Variants in KCNN2 observed in about 807,000 individuals in gnomAD.
KCNN2 encodes the protein small conductance calcium-activated potassium channel protein 2.
In KCNN2, 24 loss-of-function variants were observed where a neutral mutation model predicts 55.5. The observed-to-expected ratio is 0.43, with a 90% CI of 0.31 to 0.61. The LOEUF is 0.61. Among genes scored for constraint, KCNN2 ranks in the 20% least tolerant of loss-of-function variants. The pLI is 0.08. For missense variants in KCNN2, 754 were observed against 853.6 expected (o/e 0.88, Z 1.45); for synonymous variants, 431 against 336.1 (o/e 1.28, Z -3.09).
chr5:114,105,787 T>G (rs983459764), intron 1 of KCNN2, among the ~76,000 whole-genome samples: 1 of 152,046 alleles, frequency 6.6e-6, no homozygotes, highest in Admixed American at 6.6e-5. Context: ...CTGTGGTAAG[T>G]CCTCAGTCTT....
At chr5:114,318,158 T>A (rs997340320) in intron 2 of KCNN2, among the ~76,000 whole-genome samples, 1 of 152,236 alleles carries the variant, frequency 6.6e-6, no homozygotes, top group African/African-American at 2.4e-5. Flanking sequence ...ATATTTCTAC[T>A]TTCTGGAGAT....
intron 1 of KCNN2, among the ~76,000 whole-genome samples, chr5:114,144,650 A>C (rs910933990): frequency 2.6e-5 from 4 of 152,088 alleles, no homozygotes; most frequent in African/African-American, 9.7e-5. Context: ...ACAAGTATAC[A>C]AGTAACAATT....
intron 3 of KCNN2, among the ~76,000 whole-genome samples, chr5:114,459,264 C>T (rs971387493): frequency 6.6e-6 from 1 of 152,170 alleles, no homozygotes; most frequent in Non-Finnish European, 1.5e-5. Context: ...GCATTCCTTG[C>T]ACTAATTTTA....
rs146445569 is a variant in KCNN2, at chr5:114,281,196, G to T, written c.-185+59631G>T. Among the ~76,000 whole-genome samples the T allele has an allele frequency of 6.4e-4, 98 of 152,204 alleles. 2 individuals are homozygous for T. The highest frequency in any genetic ancestry group is 2.0e-3 in the African/African-American group (85 of 41,550). Reference sequence around the variant, plus strand: ...TATTGTATAATGCATTTATTTGTTTGCTGTGTGTTTCTGCCATTAAAATGT... The same window carrying T: ...TATTGTATAATGCATTTATTTGTTTTCTGTGTGTTTCTGCCATTAAAATGT... On this transcript the variant is annotated intron_variant, in intron 2 of 10. Transcript: ENST00000512097.
intron 2 of KCNN2, among the ~76,000 whole-genome samples, chr5:114,344,523 T>C (rs1757074417): frequency 6.6e-6 from 1 of 152,180 alleles, no homozygotes; most frequent in African/African-American, 2.4e-5. Flanking sequence ...TATTGGGGCA[T>C]CATTACATAG....
chr5:114,367,809 T>C (rs906997721), intron 2 of KCNN2, among the ~76,000 whole-genome samples: 4 of 152,298 alleles, frequency 2.6e-5, no homozygotes, highest in South Asian at 4.1e-4. Context: ...CTATTATTTT[T>C]CTTATAGAGG....
chr5:114,416,749 T>C (rs1759318408), intron 3 of KCNN2, among the ~76,000 whole-genome samples: 1 of 152,234 alleles, frequency 6.6e-6, no homozygotes, highest in Admixed American at 6.5e-5. Context: ...ACAGAAGATA[T>C]AATTTAAAAA....
At chr5:114,210,433 T>A (rs1036115573) in intron 1 of KCNN2, among the ~76,000 whole-genome samples, 1 of 152,108 alleles carries the variant, frequency 6.6e-6, no homozygotes, top group African/African-American at 2.4e-5. Flanking sequence ...AGTCACAAAT[T>A]CAGTATTCAT....
At chr5:114,475,377 T>G (rs1230814576) in intron 5 of KCNN2, among the ~76,000 whole-genome samples, 1 of 151,864 alleles carries the variant, frequency 6.6e-6, no homozygotes, top group African/African-American at 2.4e-5. Context: ...ACCCCCAACT[T>G]GTGACAACCA....
At chr5:114,155,304 T>A (rs1480687287) in intron 1 of KCNN2, among the ~76,000 whole-genome samples, 3 of 152,228 alleles carry the variant, frequency 2.0e-5, no homozygotes, top group Non-Finnish European at 4.4e-5. Flanking sequence ...GGCATTTAGG[T>A]TGATTCTGTG....
intron 1 of KCNN2, among the ~76,000 whole-genome samples, chr5:114,143,014 G>C (rs574418879): frequency 6.6e-6 from 1 of 152,204 alleles, no homozygotes; most frequent in Non-Finnish European, 1.5e-5. Flanking sequence ...TTTCCCAGGT[G>C]GATTGACAGG....
intron 2 of KCNN2, among the ~76,000 whole-genome samples, chr5:114,306,964 A>G (rs1319684788): frequency 6.6e-6 from 1 of 151,906 alleles, no homozygotes; most frequent in Non-Finnish European, 1.5e-5. Flanking sequence ...TTGGCCTCCC[A>G]AAGTGCTGGG....
At chr5:114,148,225 G>A (rs932735074) in intron 1 of KCNN2, among the ~76,000 whole-genome samples, 1 of 152,048 alleles carries the variant, frequency 6.6e-6, no homozygotes, top group African/African-American at 2.4e-5. Flanking sequence ...ATAATTAAAG[G>A]CCATTTCTTA....
chr5:114,451,787 C>T (rs1760697519), intron 3 of KCNN2, among the ~76,000 whole-genome samples: 1 of 151,658 alleles, frequency 6.6e-6, no homozygotes, highest in African/African-American at 2.4e-5. Flanking sequence ...GTCTCAGCTA[C>T]TTGGGAGGCT....
At chr5:114,092,804 A>G (rs982381743) in intron 1 of KCNN2, among the ~76,000 whole-genome samples, 1 of 152,106 alleles carries the variant, frequency 6.6e-6, no homozygotes, top group Admixed American at 6.6e-5. Flanking sequence ...CCCTTTAGCC[A>G]TGGCTGGGTT....
chr5:114,063,619 G>T (rs1750378155), intron 1 of KCNN2, among the ~76,000 whole-genome samples: 1 of 152,158 alleles, frequency 6.6e-6, no homozygotes. Context: ...CTCAGGTGAG[G>T]ATAATGGAAC....
intron 2 of KCNN2, among the ~76,000 whole-genome samples, chr5:114,333,811 A>G (rs1179176807): frequency 6.6e-6 from 1 of 152,228 alleles, no homozygotes; most frequent in Non-Finnish European, 1.5e-5. Flanking sequence ...TTAATAGACA[A>G]AAGTTCCCCT....
intron 3 of KCNN2, among the ~76,000 whole-genome samples, chr5:114,445,679 T>G (rs951391239): frequency 4.6e-5 from 7 of 152,258 alleles, no homozygotes; most frequent in African/African-American, 1.7e-4. Context: ...AGTTTGCTAG[T>G]ATTGCTATCA....
chr5:114,267,898 A>G (rs1012956092), intron 2 of KCNN2, among the ~76,000 whole-genome samples: 1 of 152,180 alleles, frequency 6.6e-6, no homozygotes, highest in Non-Finnish European at 1.5e-5. Flanking sequence ...CCTCTGGATG[A>G]GGGAAACCAG....
Sources: allele counts gnomAD v4.1 joint callset (sites outside exome capture counted in the v4.1 genomes callset), GRCh38; gene constraint gnomAD v4.1.1; transcripts MANE v1.5; gene names NCBI Gene and HGNC (gene_info 2026-07-23, HGNC 2026-07-21).